The following SVOPL variants were observed in gnomAD, a reference collection of about 807,000 sequenced individuals.
SVOPL encodes putative transporter SVOPL.
SVOPL carries 60 observed loss-of-function variants against 61.0 expected under a neutral mutation model. The ratio of observed to expected loss-of-function variants is 0.98; its 90% CI spans 0.80 to 1.22. The LOEUF (loss-of-function observed/expected upper bound fraction) is 1.22, where lower values mean the gene tolerates loss of function less well. SVOPL is among the 50% of genes most tolerant of loss of function. The pLI is 0.00. For synonymous variants in SVOPL, 279 were observed against 250.0 expected, an observed-to-expected ratio of 1.12 and a Z score of -1.09; for missense variants, 662 against 643.9, an observed-to-expected ratio of 1.03 and a Z score of -0.30.
chr7:138,670,030 C>T (rs187388370), intron 4 of SVOPL, among the ~76,000 whole-genome samples: 3 of 152,308 alleles, frequency 2.0e-5, no homozygotes, highest in Admixed American at 2.0e-4. Context: ...TCCCAGAACA[C>T]ACACCCTCAC....
In SVOPL at chr7:138,615,430, G is replaced by A. The variant is rs375332330; in HGVS notation, c.1353+5616C>T. ...AAATTAGCCGGGCGTGGTGGCGGGC[G>A]CCTGTAGTCCCAGCTACTCGGGAGG... is the stretch of plus-strand genomic sequence containing the variant. On this transcript the variant is annotated intron_variant, in intron 14 of 15. Coordinates refer to ENST00000674285, the MANE Select transcript of SVOPL (RefSeq NM_001139456.2). Among the ~76,000 whole-genome samples the A allele has an allele frequency of 1.5e-4, 23 of 152,068 alleles. No individual in the cohort carries two copies. In the South Asian group the frequency reaches 2.3e-3, roughly 15 times the overall value.
chr7:138,680,947 G>C (rs912839113), intron 1 of SVOPL, among the ~76,000 whole-genome samples: 3 of 151,910 alleles, frequency 2.0e-5, no homozygotes, highest in African/African-American at 7.3e-5. Context: ...TAAACAGAAA[G>C]CCTAAACTAT....
At chr7:138,607,426 GCCACAGAGGTCGGAGGAAAC>G (rs1798808051) in intron 14 of SVOPL, among the ~76,000 whole-genome samples, 1 of 152,220 alleles carries the variant, frequency 6.6e-6, no homozygotes. Context: ...GGAAGCAGCG[GCCACAGAGGTCGGAGGAAAC>G]CCACAGAGTG....
At position 138,678,436 on chromosome 7, in the gene SVOPL, C is replaced by T. The variant is rs969423480; in HGVS notation, c.172G>A (p.Gly58Arg). ...CAACATCTCGAAGGAGCACTCACCCCAGTACTGCCCATGATCAGAAAGAGG... is the reference window on the plus strand; with the variant it reads ...CAACATCTCGAAGGAGCACTCACCCTAGTACTGCCCATGATCAGAAAGAGG... The part of the protein sequence containing the change: ...IALFLIMGST[G>R]VVEAMEIMLI... Residue 58 changes from glycine (G) to arginine (R), a missense_variant and splice_region_variant, in exon 3 of 16, where the codon GGG (glycine) becomes AGG (arginine). Coordinates refer to ENST00000674285, the MANE Select transcript of SVOPL (RefSeq NM_001139456.2). 26 of 1,551,772 alleles carry T rather than the reference C, an allele frequency of 1.7e-5. No individual in the cohort carries two copies. Among genetic ancestry groups the T allele is most frequent in the South Asian group, 2.4e-5 (2 of 84,050 alleles).
chr7:138,642,407 C>T (rs1055432872), intron 9 of SVOPL, among the ~76,000 whole-genome samples: 1 of 151,290 alleles, frequency 6.6e-6, no homozygotes, highest in Non-Finnish European at 1.5e-5. Flanking sequence ...AGAGAGAAAG[C>T]ACAAATAAAC....
At position 138,682,805 on chromosome 7, in the gene SVOPL, C is replaced by T. The variant is rs534814297; in HGVS notation, c.-34-3726G>A. On this transcript the variant is annotated intron_variant, in intron 1 of 15. Coordinates refer to ENST00000674285, the MANE Select transcript of SVOPL (RefSeq NM_001139456.2). The stretch of plus-strand genomic sequence containing the variant: ...CCAACATGGTAAAACCCCATCTCTA[C>T]TAAAAATACAAAATTAGCCAGGCGT... 2.0e-5 allele frequency among the ~76,000 whole-genome samples: 3 copies of T among 151,962 alleles called. No individual in the cohort carries two copies. The East Asian group carries it at 5.8e-4, about 29-fold the overall frequency.
intron 1 of SVOPL, chr7:138,689,502 C>T (rs1398573358): frequency 1.5e-6 from 1 of 650,558 alleles, no homozygotes; most frequent in East Asian, 2.9e-5. Context: ...CCAGAAGAAA[C>T]AAAAACTTAT....
chr7:138,615,139 T>C (rs1033509363), intron 14 of SVOPL, among the ~76,000 whole-genome samples: 2 of 152,194 alleles, frequency 1.3e-5, no homozygotes, highest in African/African-American at 2.4e-5. Flanking sequence ...CTGGGTGCTT[T>C]TGTCCCTCCA....
intron 4 of SVOPL, among the ~76,000 whole-genome samples, chr7:138,664,616 A>T (rs1403101327): frequency 3.1e-5 from 4 of 128,194 alleles, no homozygotes; most frequent in African/African-American, 1.2e-4. Context: ...ACCCTCCACC[A>T]GATGCGCGCC....
chr7:138,664,052 C>T (rs997012069), intron 4 of SVOPL, among the ~76,000 whole-genome samples: 1 of 152,120 alleles, frequency 6.6e-6, no homozygotes, highest in African/African-American at 2.4e-5. Flanking sequence ...AGGACAGAAA[C>T]GTTCCGTAAC....
chr7:138,601,421 C>CCA lies in SVOPL; in HGVS notation c.1354-4892_1354-4891insTG, dbSNP rs554894645. 2.0e-3 allele frequency among the ~76,000 whole-genome samples: 298 copies of CCA among 151,968 alleles called. 1 individual carries two copies. The highest frequency in any genetic ancestry group is 6.9e-3 in the African/African-American group (287 of 41,464). The stretch of plus-strand genomic sequence containing the variant: ...TATATACATACAATGAAAGAAGAGT[C>CCA]CGCCTTGAAAAAGGAGGAAATGCCA... On this transcript the variant is annotated intron_variant, in intron 14 of 15. Transcript: ENST00000674285.
chr7:138,613,979 C>T (rs2116833178), intron 14 of SVOPL, among the ~76,000 whole-genome samples: 1 of 152,328 alleles, frequency 6.6e-6, no homozygotes, highest in Non-Finnish European at 1.5e-5. Flanking sequence ...ACTGGCACCT[C>T]ATCTGGCTTA....
chr7:138,601,860 A>G (rs866900605), intron 14 of SVOPL, among the ~76,000 whole-genome samples: 62 of 147,038 alleles, frequency 4.2e-4, no homozygotes, highest in Middle Eastern at 3.5e-3. Context: ...AGCTCTCTCT[A>G]ACCACCTCAT....
chr7:138,663,330 G>T, intron 4 of SVOPL, 185 bp from the exon 5 acceptor site: 2 of 1,431,438 alleles, frequency 1.4e-6, no homozygotes, highest in Non-Finnish European at 1.8e-6. Flanking sequence ...TCAGCTCCCT[G>T]TTGGTGGGAG....
At chr7:138,685,331 G>C (rs548550256) in intron 1 of SVOPL, among the ~76,000 whole-genome samples, 1 of 152,254 alleles carries the variant, frequency 6.6e-6, no homozygotes, top group African/African-American at 2.4e-5. Flanking sequence ...AACAAGCCAG[G>C]CACAGAATAA....
At chr7:138,659,813 C>T in intron 6 of SVOPL, 51 bp downstream of exon 6, 1 of 1,518,318 alleles carries the variant, frequency 6.6e-7, no homozygotes, top group Non-Finnish European at 8.9e-7. Flanking sequence ...TGCATCAGGG[C>T]CTGCAGGGGT....
At chr7:138,603,086 G>A (rs1798599633) in intron 14 of SVOPL, among the ~76,000 whole-genome samples, 1 of 151,898 alleles carries the variant, frequency 6.6e-6, no homozygotes, top group Non-Finnish European at 1.5e-5. Flanking sequence ...AATATGACTG[G>A]AACACACACA....
At chr7:138,651,322 G>A (rs548126211) in intron 7 of SVOPL, among the ~76,000 whole-genome samples, 2 of 152,108 alleles carry the variant, frequency 1.3e-5, no homozygotes, top group Non-Finnish European at 2.9e-5. Context: ...GAAAACCTTG[G>A]AATTGGACCT....
intron 14 of SVOPL, among the ~76,000 whole-genome samples, chr7:138,607,352 T>C (rs1461526318): frequency 1.3e-5 from 2 of 152,136 alleles, no homozygotes; most frequent in East Asian, 1.9e-4. Context: ...AAGGGTCTAA[T>C]ATTGAGCAAT....
Sources: allele counts gnomAD v4.1 joint callset (sites outside exome capture counted in the v4.1 genomes callset), GRCh38; gene constraint gnomAD v4.1.1; transcripts MANE v1.5; gene names NCBI Gene and HGNC (gene_info 2026-07-23, HGNC 2026-07-21).